The following SSH2 variants were observed in gnomAD, a reference collection of about 807,000 sequenced individuals.
The protein encoded by SSH2 is slingshot protein phosphatase 2, also known as protein phosphatase Slingshot homolog 2.
A neutral mutation model predicts 135.2 loss-of-function variants in SSH2; 37 were observed. The observed-to-expected ratio is 0.27, with a 90% CI of 0.21 to 0.36. The LOEUF is 0.36. SSH2 is among the 10% of genes least tolerant of loss of function. The pLI, the probability that SSH2 is intolerant of heterozygous loss-of-function variation, is 1.00. For synonymous variants in SSH2, 628 were observed against 646.2 expected (o/e 0.97, Z 0.43); for missense variants, 1,408 against 1,765.3 (o/e 0.80, Z 3.63).
At chr17:29,814,021 T>A (rs1397276557) in intron 2 of SSH2, among the ~76,000 whole-genome samples, 1 of 138,438 alleles carries the variant, frequency 7.2e-6, no homozygotes, top group African/African-American at 2.8e-5. Flanking sequence ...TCCCAGCTAC[T>A]AGGGAGGCTG....
At chr17:29,643,290 C>A in intron 14 of SSH2, 1 of 985,336 alleles carries the variant, frequency 1.0e-6, no homozygotes, top group Non-Finnish European at 1.2e-6. Flanking sequence ...CAGACCCTAA[C>A]AGCTATATAT....
intron 3 of SSH2, among the ~76,000 whole-genome samples, chr17:29,746,297 G>A (rs538534555): frequency 1.3e-5 from 2 of 152,088 alleles, no homozygotes; most frequent in Admixed American, 1.3e-4. Flanking sequence ...TGTAATCCTA[G>A]CACTTTGGGA....
intron 2 of SSH2, among the ~76,000 whole-genome samples, chr17:29,812,379 A>T (rs1237833330): frequency 6.6e-6 from 1 of 151,630 alleles, no homozygotes; most frequent in Non-Finnish European, 1.5e-5. Context: ...TGCCTCCCAG[A>T]CTCACGTGAT....
chr17:29,644,138 T>G (rs1000842476), intron 14 of SSH2, among the ~76,000 whole-genome samples: 6 of 152,216 alleles, frequency 3.9e-5, no homozygotes, highest in African/African-American at 1.4e-4. Flanking sequence ...TTATTTGCCC[T>G]GCAGGGTCCA....
intron 1 of SSH2, among the ~76,000 whole-genome samples, chr17:29,918,089 C>T (rs1251526903): frequency 1.3e-5 from 2 of 152,072 alleles, no homozygotes; most frequent in African/African-American, 2.4e-5. Context: ...GAGGCTGAGG[C>T]AGAAGAATCC....
chr17:29,699,861 C>G (rs1470666439), intron 4 of SSH2, among the ~76,000 whole-genome samples: 2 of 152,184 alleles, frequency 1.3e-5, no homozygotes, highest in East Asian at 3.8e-4. Flanking sequence ...ACCTCTGGTA[C>G]TGGGCACTGG....
intron 14 of SSH2, among the ~76,000 whole-genome samples, chr17:29,643,595 T>C (rs1256865880): frequency 3.3e-5 from 5 of 151,966 alleles, no homozygotes; most frequent in Non-Finnish European, 7.4e-5. Flanking sequence ...TTGGGTTCAA[T>C]GATTCCCCTG....
At chr17:29,850,090 A>T (rs983690287) in intron 1 of SSH2, among the ~76,000 whole-genome samples, 3 of 150,534 alleles carry the variant, frequency 2.0e-5, no homozygotes, top group African/African-American at 7.3e-5. Flanking sequence ...CCCAACAGGC[A>T]CCAGAAAACA....
intron 1 of SSH2, among the ~76,000 whole-genome samples, chr17:29,886,923 CTT>C (rs1349573866): frequency 6.6e-6 from 1 of 152,086 alleles, no homozygotes; most frequent in Non-Finnish European, 1.5e-5. Flanking sequence ...TCTGAAGACA[CTT>C]TACCAAGAGT....
chr17:29,816,371 C>T (rs2051451957), intron 2 of SSH2, among the ~76,000 whole-genome samples: 1 of 152,124 alleles, frequency 6.6e-6, no homozygotes, highest in South Asian at 2.1e-4. Context: ...AGGTAATGGG[C>T]TCCTTTAAAT....
intron 6 of SSH2, among the ~76,000 whole-genome samples, chr17:29,681,362 A>AAG (rs2037980900): frequency 6.8e-6 from 1 of 147,976 alleles, no homozygotes; most frequent in Non-Finnish European, 1.5e-5. Flanking sequence ...AAAAAAAAAA[A>AAG]GTAGCTTTTT....
In SSH2 at chr17:29,855,544, A is replaced by G. The variant is rs538727217; in HGVS notation, c.64-6615T>C. ...AAAATATACTATCAGACATCAAACA[A>G]TAAAATATATTTATACCCCAAAGCC... is the stretch of plus-strand genomic sequence containing the variant. On this transcript the variant is annotated intron_variant, in intron 1 of 15. Transcript: ENST00000540801. Among the ~76,000 whole-genome samples, 5 of 149,452 alleles carry G rather than the reference A, an allele frequency of 3.3e-5. No homozygotes were observed. The South Asian group carries it at 1.1e-3, about 32-fold the overall frequency.
intron 1 of SSH2, among the ~76,000 whole-genome samples, chr17:29,858,746 C>G (rs1006199279): frequency 6.6e-6 from 1 of 152,088 alleles, no homozygotes; most frequent in African/African-American, 2.4e-5. Context: ...GCTGGGCATG[C>G]CTGTCGCCCT....
chr17:29,778,828 C>T (rs1412635715), intron 3 of SSH2, among the ~76,000 whole-genome samples: 2 of 112,518 alleles, frequency 1.8e-5, no homozygotes, highest in Admixed American at 9.8e-5. Flanking sequence ...AGTGAGCCTC[C>T]GTCTCCCAAA....
At chr17:29,814,364 C>T (rs556326464) in intron 2 of SSH2, among the ~76,000 whole-genome samples, 4 of 127,388 alleles carry the variant, frequency 3.1e-5, no homozygotes, top group South Asian at 2.7e-4. Flanking sequence ...ACCCGGGAGG[C>T]GGAGCTTGCA....
chr17:29,763,114 G>T (rs1057408384), intron 3 of SSH2, among the ~76,000 whole-genome samples: 1 of 152,178 alleles, frequency 6.6e-6, no homozygotes, highest in African/African-American at 2.4e-5. Context: ...TAAGGTCTAT[G>T]CCTAAAACCA....
rs56789691 is a variant in SSH2 at position 29,779,810 on chromosome 17, C to CAAAAAAAAAAAAAAAA, written c.188+14068_188+14083dup. Among the ~76,000 whole-genome samples, 4 of 19,610 alleles carry CAAAAAAAAAAAAAAAA rather than the reference C, an allele frequency of 2.0e-4. 1 individual carries two copies. The highest frequency in any genetic ancestry group is 1.0e-3 in the Admixed American group (1 of 974). 12.9% of individuals were successfully genotyped at this position (19,610 alleles called of 152,430 possible). A position where few individuals can be genotyped will look rare whatever the true frequency, so the allele number is the denominator to read the frequency against. On this transcript the variant is annotated intron_variant, in intron 3 of 15. Transcript: ENST00000540801. ...TGGGCGACAGAGTGAGACTCTGTCT[C>CAAAAAAAAAAAAAAAA]AAAAAAAAAAAAAAAAAAAAAAAAA...
intron 2 of SSH2, among the ~76,000 whole-genome samples, chr17:29,829,256 G>A (rs1480908804): frequency 6.6e-6 from 1 of 152,108 alleles, no homozygotes; most frequent in Non-Finnish European, 1.5e-5. Context: ...CTCCAAGGTA[G>A]GTATACTATT....
At chr17:29,836,933 C>T (rs765946924) in intron 2 of SSH2, among the ~76,000 whole-genome samples, 4 of 152,160 alleles carry the variant, frequency 2.6e-5, no homozygotes, top group Non-Finnish European at 4.4e-5. Context: ...ATTACAGCTT[C>T]ACCAGGACTT....
Sources: gnomAD v4.1 joint callset for allele counts (sites outside exome capture counted in the v4.1 genomes callset) on GRCh38, gnomAD v4.1.1 for gene constraint, MANE v1.5 for transcripts, NCBI Gene and HGNC (gene_info 2026-07-23, HGNC 2026-07-21) for gene names.